Variants in CYP2C19 observed in about 807,000 individuals in gnomAD.
The protein encoded by CYP2C19 is cytochrome P450 2C19.
In CYP2C19, 59 loss-of-function variants were observed where a neutral mutation model predicts 40.9. That is an observed-to-expected ratio of 1.44 (90% CI 1.17 to 1.79). The LOEUF is 1.79. Ranked by LOEUF, CYP2C19 falls within the 40% of genes most tolerant of loss-of-function variation. CYP2C19 has a pLI of 0.00. For synonymous variants in CYP2C19, 253 were observed against 208.7 expected (o/e 1.21, Z -1.83); for missense variants, 754 against 596.9 (o/e 1.26, Z -2.74).
At chr10:94,768,190 T>C (rs989388150) in intron 1 of CYP2C19, among the ~76,000 whole-genome samples, 1 of 152,184 alleles carries the variant, frequency 6.6e-6, no homozygotes, top group Non-Finnish European at 1.5e-5. Context: ...ACATTTATTC[T>C]TTTTCCCTTT....
intron 5 of CYP2C19, among the ~76,000 whole-genome samples, chr10:94,787,427 T>C (rs973020102): frequency 6.6e-6 from 1 of 152,172 alleles, no homozygotes; most frequent in Non-Finnish European, 1.5e-5. Flanking sequence ...GCAAATATTT[T>C]GTCCCCATTC....
chr10:94,818,033 AAAAT>A (rs1849038924), intron 5 of CYP2C19, among the ~76,000 whole-genome samples: 1 of 150,724 alleles, frequency 6.6e-6, no homozygotes, highest in Non-Finnish European at 1.5e-5. Flanking sequence ...AAAAAAAAAA[AAAAT>A]CTTTAATCCA....
chr10:94,800,938 A>T (rs79187906), intron 5 of CYP2C19, among the ~76,000 whole-genome samples: 1 of 152,134 alleles, frequency 6.6e-6, no homozygotes, highest in Non-Finnish European at 1.5e-5. Context: ...GCTTCCCTTC[A>T]CTAAGAAAGG....
At chr10:94,816,072 T>A (rs2134263741) in intron 5 of CYP2C19, among the ~76,000 whole-genome samples, 1 of 151,372 alleles carries the variant, frequency 6.6e-6, no homozygotes, top group East Asian at 1.9e-4. Context: ...GAAGTGGATC[T>A]AGAGATCTTC....
Position 94,820,635 on chromosome 10 carries a change from C to T in CYP2C19, c.959C>T (p.Thr320Ile), listed in dbSNP as rs757115928. Residue 320 changes from threonine (T) to isoleucine (I), a missense_variant and splice_region_variant, in exon 6 of 9, where the codon ACA becomes ATA. Transcript: ENST00000371321. ...LLLLLKHPEV[T>I]AKVQEEIERV... ...CTCCTGCTGAAGCACCCAGAGGTCACAGGTATGATCACAGAGGATGAGTTA... is the reference window on the plus strand; with the variant it reads ...CTCCTGCTGAAGCACCCAGAGGTCATAGGTATGATCACAGAGGATGAGTTA... 9 of 1,614,026 alleles carry T rather than the reference C, an allele frequency of 5.6e-6. No homozygotes were observed. Among genetic ancestry groups the T allele is most frequent in the East Asian group, 2.2e-5 (1 of 44,896 alleles).
chr10:94,832,876 A>AT (rs1252924289), intron 6 of CYP2C19, among the ~76,000 whole-genome samples: 2 of 151,768 alleles, frequency 1.3e-5, no homozygotes, highest in Non-Finnish European at 2.9e-5. Context: ...AATAATATTG[A>AT]TTTTTCCAAT....
chr10:94,772,972 G>A (rs375808068), intron 1 of CYP2C19, among the ~76,000 whole-genome samples: 185 of 152,234 alleles, frequency 1.2e-3, no homozygotes, highest in African/African-American at 4.1e-3. Context: ...TAGTAGAGAC[G>A]GGGTTTCACC....
chr10:94,811,082 G>T (rs1359406539), intron 5 of CYP2C19, among the ~76,000 whole-genome samples: 1 of 152,110 alleles, frequency 6.6e-6, no homozygotes, highest in African/African-American at 2.4e-5. Flanking sequence ...GGTACACTGT[G>T]TCCTTGTTCT....
chr10:94,837,269 G>T (rs954877181), intron 6 of CYP2C19, among the ~76,000 whole-genome samples: 2 of 152,190 alleles, frequency 1.3e-5, no homozygotes, highest in Non-Finnish European at 2.9e-5. Flanking sequence ...TGGGCTTTTA[G>T]GTCCTTAACA....
chr10:94,814,894 G>T lies in CYP2C19; in HGVS notation c.820-5602G>T, dbSNP rs550202673. On this transcript the variant is annotated intron_variant, in intron 5 of 8. Coordinates refer to ENST00000371321, the MANE Select transcript of CYP2C19 (RefSeq NM_000769.4). The stretch of plus-strand genomic sequence containing the variant: ...GTGCAGGTTCACTCTCTGTGGCAGT[G>T]TTGAATGTAGATTACCCACAGAACC... Among the ~76,000 whole-genome samples, 3 of 141,728 alleles carry T rather than the reference G, an allele frequency of 2.1e-5. 1 individual carries two copies. In the South Asian group the frequency reaches 8.0e-4, roughly 38 times the overall value. The allele number at this position is 141,728 out of a possible 152,430, so 93.0% of individuals were successfully genotyped here. A position where few individuals can be genotyped will look rare whatever the true frequency, so the allele number is the denominator to read the frequency against.
intron 1 of CYP2C19, among the ~76,000 whole-genome samples, chr10:94,767,668 C>G (rs1402220323): frequency 2.0e-5 from 3 of 152,104 alleles, no homozygotes; most frequent in Non-Finnish European, 4.4e-5. Flanking sequence ...GGAGATTTGG[C>G]CCTGTAAATA....
chr10:94,798,585 G>C lies in CYP2C19; in HGVS notation c.819+16588G>C, dbSNP rs149444091. On this transcript the variant is annotated intron_variant, in intron 5 of 8. Coordinates refer to ENST00000371321, the MANE Select transcript of CYP2C19 (RefSeq NM_000769.4). Reference sequence around the variant, plus strand: ...CTCATTGATCTGTTTAACATTGACAGTAGGATGTTAAAGTCTGCCATTATT... The same window carrying C: ...CTCATTGATCTGTTTAACATTGACACTAGGATGTTAAAGTCTGCCATTATT... 3.1e-3 allele frequency among the ~76,000 whole-genome samples: 471 copies of C among 152,162 alleles called. 3 individuals carry two copies. The highest frequency in any genetic ancestry group is 0.011 in the African/African-American group (448 of 41,542).
chr10:94,843,569 T>C (rs1410467259), intron 7 of CYP2C19, among the ~76,000 whole-genome samples: 1 of 152,238 alleles, frequency 6.6e-6, no homozygotes, highest in Non-Finnish European at 1.5e-5. Flanking sequence ...TCTTTGTACT[T>C]GGTATGTTGA....
At chr10:94,791,736 T>A (rs1183030550) in intron 5 of CYP2C19, among the ~76,000 whole-genome samples, 2 of 152,190 alleles carry the variant, frequency 1.3e-5, no homozygotes, top group East Asian at 1.9e-4. Context: ...AGAGACAGTT[T>A]GTTATAATTT....
rs199683690 is a variant in CYP2C19, at chr10:94,833,443, G to GT, written c.962-9385dup. On this transcript the variant is annotated intron_variant, in intron 6 of 8. Transcript: ENST00000371321. ...GAGGTATGTTCCTTCTATCTCAAGTGTTTTTTTTTCTTTTTTTTTATTATA... is the reference window on the plus strand; with the variant it reads ...GAGGTATGTTCCTTCTATCTCAAGTGTTTTTTTTTTCTTTTTTTTTATTATA... Among the ~76,000 whole-genome samples, 1,115 of 149,802 alleles carry GT rather than the reference G, an allele frequency of 7.4e-3. 8 individuals carry two copies. The highest frequency in any genetic ancestry group is 0.025 in the African/African-American group (1,013 of 40,826).
intron 8 of CYP2C19, among the ~76,000 whole-genome samples, chr10:94,852,034 A>G (rs911851310): frequency 6.6e-6 from 1 of 152,218 alleles, no homozygotes; most frequent in African/African-American, 2.4e-5. Flanking sequence ...CATCTTGTTC[A>G]AAAGGAGAAG....
At chr10:94,773,321 T>G (rs1848361539) in intron 1 of CYP2C19, among the ~76,000 whole-genome samples, 1 of 152,176 alleles carries the variant, frequency 6.6e-6, no homozygotes, top group Non-Finnish European at 1.5e-5. Flanking sequence ...TTCTTAAAGA[T>G]GGTGTGTCTG....
At chr10:94,799,853 A>G (rs1481504585) in intron 5 of CYP2C19, among the ~76,000 whole-genome samples, 1 of 152,078 alleles carries the variant, frequency 6.6e-6, no homozygotes, top group African/African-American at 2.4e-5. Context: ...TTTTGGTTCC[A>G]TCAGGTCATT....
At chr10:94,818,820 A>T (rs61886230) in intron 5 of CYP2C19, among the ~76,000 whole-genome samples, 1 of 151,164 alleles carries the variant, frequency 6.6e-6, no homozygotes, top group Non-Finnish European at 1.5e-5. Flanking sequence ...TAGATAAACA[A>T]TCATGTCGTC....
Sources: allele counts gnomAD v4.1 joint callset (sites outside exome capture counted in the v4.1 genomes callset), GRCh38; gene constraint gnomAD v4.1.1; transcripts MANE v1.5; gene names NCBI Gene and HGNC (gene_info 2026-07-23, HGNC 2026-07-21).